Variants in IARS1 observed in about 807,000 individuals in gnomAD.
IARS1 encodes isoleucyl-tRNA synthetase 1.
In IARS1, 124 loss-of-function variants were observed where a neutral mutation model predicts 168.2. The ratio of observed to expected loss-of-function variants is 0.74; its 90% CI spans 0.64 to 0.86. The LOEUF (loss-of-function observed/expected upper bound fraction) is 0.86. Ranked by LOEUF, IARS1 falls within the 40% of genes least tolerant of loss-of-function variation. IARS1 has a pLI of 0.00. For missense variants in IARS1, 1,452 were observed against 1,515.8 expected (o/e 0.96, Z 0.70); for synonymous variants, 532 against 529.4 (o/e 1.00, Z -0.07).
chr9:92,266,571 C>T (rs1017572836), intron 14 of IARS1, among the ~76,000 whole-genome samples: 4 of 152,144 alleles, frequency 2.6e-5, no homozygotes, highest in African/African-American at 9.7e-5. Context: ...AAATTTAATC[C>T]CCAGTGTGGC....
intron 33 of IARS1, among the ~76,000 whole-genome samples, chr9:92,217,279 T>C (rs1247335861): frequency 6.7e-6 from 1 of 149,992 alleles, no homozygotes; most frequent in Non-Finnish European, 1.5e-5. Flanking sequence ...AAGCAGTGTG[T>C]AGAGGGAAAT....
intron 30 of IARS1, among the ~76,000 whole-genome samples, chr9:92,238,701 T>C (rs1363053301): frequency 2.0e-5 from 3 of 152,114 alleles, no homozygotes; most frequent in Non-Finnish European, 4.4e-5. Flanking sequence ...TTTTCTAGGG[T>C]TTTATATGTA....
At position 92,271,019 on chromosome 9, in the gene IARS1, T is replaced by C. The variant is rs748254444; in HGVS notation, c.1171A>G (p.Thr391Ala). The change falls in exon 12 of 34, where the codon ACC (threonine) becomes GCC (alanine). Residue 391 changes from threonine to alanine, a missense_variant. Transcript: ENST00000443024. ...AAAGGGTAGCTGTGAGTGAAGGTGG[T>C]GGCAACCAGAAGTCGGCCTTGTTCC... is the stretch of plus-strand genomic sequence containing the variant. ...LKEQGRLLVATTFTHSYPFCW... is the reference protein window; with the variant it reads ...LKEQGRLLVAATFTHSYPFCW... The C allele has an allele frequency of 1.9e-6, 3 of 1,612,488 alleles. No individual in the cohort carries two copies. Among genetic ancestry groups the C allele is most frequent in the South Asian group, 1.1e-5 (1 of 90,806 alleles).
rs527861304 is a variant in IARS1, at chr9:92,247,877, T to C, written c.2617-326A>G. On this transcript the variant is annotated intron_variant, in intron 25 of 33. Transcript: ENST00000443024. ...AGAAGGCAAATCCAGAGATAGCAAATAGGTTCGTGGATGCCAGGAAATGGT... is the reference window on the plus strand; with the variant it reads ...AGAAGGCAAATCCAGAGATAGCAAACAGGTTCGTGGATGCCAGGAAATGGT... Among the ~76,000 whole-genome samples, 10 of 152,236 alleles carry C rather than the reference T, an allele frequency of 6.6e-5. No individual in the cohort carries two copies. The East Asian group carries it at 1.9e-3, about 29-fold the overall frequency.
chr9:92,227,928 C>T lies in IARS1; in HGVS notation c.3409+1073G>A, dbSNP rs138227025. ...GCAGAGATGCTCCTCACTTCCCAGA[C>T]GGGGTGGCGGCCGGGCAGAGGCTGC... On this transcript the variant is annotated intron_variant, in intron 31 of 33. Coordinates refer to ENST00000443024, the MANE Select transcript of IARS1 (RefSeq NM_002161.6). Among the ~76,000 whole-genome samples the T allele has an allele frequency of 6.5e-3, 994 of 152,012 alleles. 9 individuals carry two copies. Among genetic ancestry groups the T allele is most frequent in the African/African-American group, 0.022 (912 of 41,444 alleles).
chr9:92,259,759 CTCTAGCATAGATA>C (rs1342803090), intron 18 of IARS1, among the ~76,000 whole-genome samples: 1 of 152,096 alleles, frequency 6.6e-6, no homozygotes, highest in African/African-American at 2.4e-5. Flanking sequence ...TTTTTATCAC[CTCTAGCATAGATA>C]TATCTCACAT....
At chr9:92,277,164 A>C (rs755829264) in intron 9 of IARS1, among the ~76,000 whole-genome samples, 1 of 152,230 alleles carries the variant, frequency 6.6e-6, no homozygotes, top group Admixed American at 6.5e-5. Context: ...TTCCTCATAC[A>C]ATTTGAGAAA....
chr9:92,219,774 GC>G (rs1179016828), intron 33 of IARS1, among the ~76,000 whole-genome samples: 3 of 118,964 alleles, frequency 2.5e-5, no homozygotes, highest in African/African-American at 1.2e-4. Flanking sequence ...AACAACAGGT[GC>G]TGGAGAGGAT....
chr9:92,256,827 T>C, intron 19 of IARS1, 27 bp from the exon 20 acceptor site: 2 of 1,592,550 alleles, frequency 1.3e-6, no homozygotes, highest in Non-Finnish European at 1.7e-6. Flanking sequence ...AATGAAACAC[T>C]GGCACACTTG....
intron 33 of IARS1, among the ~76,000 whole-genome samples, chr9:92,219,250 T>A (rs1839279906): frequency 1.3e-5 from 2 of 152,216 alleles, no homozygotes; most frequent in Admixed American, 1.3e-4. Flanking sequence ...ATCCCTTCCT[T>A]ACACCTTATA....
chr9:92,229,417 A>G (rs1372341043), intron 30 of IARS1, among the ~76,000 whole-genome samples: 2 of 149,720 alleles, frequency 1.3e-5, no homozygotes. Context: ...TGTTTTGGCA[A>G]TCCTTGGTAG....
chr9:92,224,960 C>T (rs1825425503), intron 31 of IARS1, among the ~76,000 whole-genome samples: 1 of 152,154 alleles, frequency 6.6e-6, no homozygotes, highest in Admixed American at 6.5e-5. Flanking sequence ...GGAAGAATAA[C>T]CACGGGCTCC....
intron 30 of IARS1, among the ~76,000 whole-genome samples, chr9:92,239,883 A>T (rs1191773655): frequency 6.6e-6 from 1 of 152,122 alleles, no homozygotes; most frequent in Middle Eastern, 3.2e-3. Flanking sequence ...GTCTGGCTAG[A>T]GTAGAGCAGT....
chr9:92,227,668 C>T (rs1825959247), intron 31 of IARS1, among the ~76,000 whole-genome samples: 1 of 150,784 alleles, frequency 6.6e-6, no homozygotes, highest in African/African-American at 2.4e-5. Context: ...ACGGGGCGGC[C>T]GGGCAGAGAC....
At chr9:92,220,922 C>T (rs546621666) in intron 33 of IARS1, among the ~76,000 whole-genome samples, 12 of 152,220 alleles carry the variant, frequency 7.9e-5, no homozygotes, top group Non-Finnish European at 1.6e-4. Context: ...TGTGATTGAG[C>T]CACTGCACTG....
chr9:92,286,031 T>A, intron 5 of IARS1, 192 bp from the exon 6 acceptor site: 1 of 518,880 alleles, frequency 1.9e-6, no homozygotes, highest in East Asian at 3.1e-5. Flanking sequence ...AAAATGCTAA[T>A]ATCTACTGAT....
At chr9:92,263,366 C>T (rs1483653464) in intron 16 of IARS1, among the ~76,000 whole-genome samples, 1 of 152,150 alleles carries the variant, frequency 6.6e-6, no homozygotes, top group Non-Finnish European at 1.5e-5. Flanking sequence ...AAGCACCTAG[C>T]TGAAGATGAA....
Position 92,280,781 on chromosome 9 carries a change from C to T in IARS1, c.710G>A (p.Cys237Tyr). Residue 237 changes from cysteine to tyrosine, a missense_variant, in exon 7 of 34, where the codon TGT becomes TAT. By Grantham distance (194) the Cys-to-Tyr change is radical. Coordinates refer to ENST00000443024, the MANE Select transcript of IARS1 (RefSeq NM_002161.6). Reference sequence around the variant, plus strand: ...CACATATTGCATTTCTGGATTAACACACACAGCAAGGTTACTAGGTAGAGT... The same window carrying T: ...CACATATTGCATTTCTGGATTAACATACACAGCAAGGTTACTAGGTAGAGT... ...PWTLPSNLAV[C>Y]VNPEMQYVKI... The T allele has an allele frequency of 6.2e-7, 1 of 1,612,128 alleles. No individual in the cohort carries two copies. The highest frequency in any genetic ancestry group is 8.5e-7 in the Non-Finnish European group (1 of 1,178,818).
intron 17 of IARS1, 42 bp from the exon 18 acceptor site, chr9:92,260,276 T>C (rs569957459): frequency 8.6e-7 from 1 of 1,158,646 alleles, no homozygotes; most frequent in South Asian, 1.2e-5. Flanking sequence ...TAAGTCAATA[T>C]CACAGATGAT....
Sources: gnomAD v4.1 joint callset for allele counts (sites outside exome capture counted in the v4.1 genomes callset) on GRCh38, gnomAD v4.1.1 for gene constraint, MANE v1.5 for transcripts, NCBI Gene and HGNC (gene_info 2026-07-23, HGNC 2026-07-21) for gene names.